SPOCK3: variants seen among roughly 807,000 people sequenced by gnomAD.
SPOCK3 encodes the protein SPARC (osteonectin), cwcv and kazal like domains proteoglycan 3.
SPOCK3 carries 30 observed loss-of-function variants against 56.6 expected under a neutral mutation model. The observed-to-expected ratio is 0.53, with a 90% CI of 0.40 to 0.72. SPOCK3 has a LOEUF of 0.72. Among genes scored for constraint, SPOCK3 ranks in the 30% least tolerant of loss-of-function variants. The pLI is 0.00. For synonymous variants in SPOCK3, 196 were observed against 183.3 expected (o/e 1.07, Z -0.56); for missense variants, 527 against 530.0 (o/e 0.99, Z 0.06).
Position 166,737,619 on chromosome 4 carries a change from C to T in SPOCK3, c.995-15G>A, listed in dbSNP as rs368150070. 21 of 1,599,728 alleles carry T rather than the reference C, an allele frequency of 1.3e-5. No individual in the cohort carries two copies. Among genetic ancestry groups the T allele is most frequent in the East Asian group, 2.2e-5 (1 of 44,604 alleles). ...GATATACTGTCCTGTTGAAACAACA[C>T]ACAGGCATACAAACACACACATGTA... On this transcript the variant is annotated splice_polypyrimidine_tract_variant and intron_variant, in intron 9 of 10. Coordinates refer to ENST00000357545, the MANE Select transcript of SPOCK3 (RefSeq NM_001040159.2).
intron 8 of SPOCK3, among the ~76,000 whole-genome samples, chr4:166,753,158 G>T (rs968150205): frequency 1.6e-5 from 1 of 63,472 alleles, no homozygotes; most frequent in Non-Finnish European, 3.7e-5. Flanking sequence ...AAATGTTTGT[G>T]TATAGACACC....
intron 3 of SPOCK3, among the ~76,000 whole-genome samples, chr4:167,004,215 A>T (rs1749234350): frequency 6.6e-6 from 1 of 152,206 alleles, no homozygotes. Context: ...AGACAGAGAG[A>T]TCACATGATG....
intron 2 of SPOCK3, among the ~76,000 whole-genome samples, chr4:167,140,208 G>A (rs1476478416): frequency 6.6e-6 from 1 of 152,030 alleles, no homozygotes; most frequent in East Asian, 1.9e-4. Flanking sequence ...TCAGTTGCTT[G>A]TAGCACAAAG....
intron 6 of SPOCK3, among the ~76,000 whole-genome samples, chr4:166,868,105 G>A (rs987983451): frequency 1.2e-4 from 18 of 151,910 alleles, no homozygotes; most frequent in African/African-American, 3.6e-4. Flanking sequence ...TTGAGTTTTT[G>A]TTGTTTCTTG....
chr4:167,169,552 GTAAC>G (rs1393778428), intron 2 of SPOCK3, among the ~76,000 whole-genome samples: 1 of 152,180 alleles, frequency 6.6e-6, no homozygotes, highest in Non-Finnish European at 1.5e-5. Context: ...TATCTGGGAA[GTAAC>G]TAACTTGATT....
intron 7 of SPOCK3, among the ~76,000 whole-genome samples, chr4:166,769,439 T>C (rs1202711941): frequency 6.6e-6 from 1 of 152,206 alleles, no homozygotes; most frequent in African/African-American, 2.4e-5. Flanking sequence ...TGTTGGAGTT[T>C]GCTGGAGGTC....
chr4:166,948,883 T>G (rs1453142611), intron 4 of SPOCK3, among the ~76,000 whole-genome samples: 2 of 152,114 alleles, frequency 1.3e-5, no homozygotes, highest in African/African-American at 4.8e-5. Context: ...AATCTGAATG[T>G]TGGCCTGCCT....
At chr4:167,190,154 G>T (rs541571967) in intron 2 of SPOCK3, among the ~76,000 whole-genome samples, 5 of 145,892 alleles carry the variant, frequency 3.4e-5, no homozygotes, top group Non-Finnish European at 6.0e-5. Context: ...AGATTGCTAG[G>T]TTGTATTGTA....
At chr4:167,044,601 T>G (rs1753549556) in intron 3 of SPOCK3, among the ~76,000 whole-genome samples, 1 of 152,104 alleles carries the variant, frequency 6.6e-6, no homozygotes, top group African/African-American at 2.4e-5. Flanking sequence ...CAAACAAATT[T>G]TGATAATTTG....
Position 166,846,649 on chromosome 4 carries a change from C to A in SPOCK3, c.589+42481G>T, listed in dbSNP as rs1396651808. Among the ~76,000 whole-genome samples the A allele has an allele frequency of 2.0e-5, 3 of 152,104 alleles. No homozygotes were observed. The South Asian group carries it at 6.2e-4, about 32-fold the overall frequency. ...ACATTAGCTCACTTTAATTCACATACCTGAAATTGGTATACTGTAATACCC... is the reference window on the plus strand; with the variant it reads ...ACATTAGCTCACTTTAATTCACATAACTGAAATTGGTATACTGTAATACCC... On this transcript the variant is annotated intron_variant, in intron 6 of 10. Coordinates refer to ENST00000357545, the MANE Select transcript of SPOCK3 (RefSeq NM_001040159.2).
At chr4:166,762,331 A>T (rs542292133) in intron 7 of SPOCK3, among the ~76,000 whole-genome samples, 1 of 152,264 alleles carries the variant, frequency 6.6e-6, no homozygotes, top group African/African-American at 2.4e-5. Flanking sequence ...AGAAGTTGCC[A>T]AATGCCCAGG....
intron 3 of SPOCK3, among the ~76,000 whole-genome samples, chr4:167,018,880 C>T (rs958094584): frequency 2.0e-5 from 3 of 151,988 alleles, no homozygotes; most frequent in Non-Finnish European, 4.4e-5. Flanking sequence ...CAATTTTGCC[C>T]TGCTACAAAC....
chr4:166,918,695 A>C (rs748179166), intron 4 of SPOCK3, among the ~76,000 whole-genome samples: 1 of 152,296 alleles, frequency 6.6e-6, no homozygotes, highest in East Asian at 1.9e-4. Context: ...AATGAAAAAT[A>C]CCTTTAAAAA....
At chr4:167,065,053 A>AAAAAAAAAAAAAAAAAAAAAAAAAAAC in intron 2 of SPOCK3, among the ~76,000 whole-genome samples, 1 of 150,138 alleles carries the variant, frequency 6.7e-6, no homozygotes, top group African/African-American at 2.5e-5. Context: ...AAAAAAAAAA[A>AAAAAAAAAAAAAAAAAAAAAAAAAAAC]AAAAAAAGTC....
At chr4:167,204,809 T>C (rs1162868182) in intron 2 of SPOCK3, among the ~76,000 whole-genome samples, 1 of 151,832 alleles carries the variant, frequency 6.6e-6, no homozygotes, top group African/African-American at 2.4e-5. Context: ...GAACAGCCTT[T>C]GTCCTAATGA....
At chr4:167,109,514 A>AATATTTATATATTTTATATAAAAT (rs1192944012) in intron 2 of SPOCK3, among the ~76,000 whole-genome samples, 2 of 119,540 alleles carry the variant, frequency 1.7e-5, no homozygotes, top group African/African-American at 7.1e-5. Flanking sequence ...TATAAAATAT[A>AATATTTATATATTTTATATAAAAT]ATATTTATAT....
At chr4:166,748,199 CA>C (rs1735908122) in intron 8 of SPOCK3, among the ~76,000 whole-genome samples, 1 of 123,852 alleles carries the variant, frequency 8.1e-6, no homozygotes, top group Admixed American at 7.5e-5. Context: ...GCCAAAAGAA[CA>C]AAGCTGGAGG....
intron 7 of SPOCK3, among the ~76,000 whole-genome samples, chr4:166,768,017 C>CT (rs200953499): frequency 0.43 from 48,070 of 110,618 alleles, 7,721 homozygotes; most frequent in Admixed American, 0.49. Flanking sequence ...GCAAACCCTG[C>CT]TTTTTTTGTT....
At chr4:166,842,038 G>C (rs1339450974) in intron 6 of SPOCK3, among the ~76,000 whole-genome samples, 1 of 152,180 alleles carries the variant, frequency 6.6e-6, no homozygotes, top group East Asian at 1.9e-4. Flanking sequence ...CAGTGTTAAG[G>C]CTCTTAAGGC....
Sources: allele counts gnomAD v4.1 joint callset (sites outside exome capture counted in the v4.1 genomes callset), GRCh38; gene constraint gnomAD v4.1.1; transcripts MANE v1.5; gene names NCBI Gene and HGNC (gene_info 2026-07-23, HGNC 2026-07-21).